Variants in FRMD6 observed in about 807,000 individuals in gnomAD.
FRMD6 encodes FERM domain containing 6.
A neutral mutation model predicts 73.2 loss-of-function variants in FRMD6; 37 were observed. The ratio of observed to expected loss-of-function variants is 0.51; its 90% CI spans 0.39 to 0.66. FRMD6 has a LOEUF of 0.66. FRMD6 is among the 30% of genes least tolerant of loss of function. The pLI, the probability that FRMD6 is intolerant of heterozygous loss-of-function variation, is 0.00. For synonymous variants in FRMD6, 273 were observed against 282.2 expected, an observed-to-expected ratio of 0.97 and a Z score of 0.33; for missense variants, 714 against 780.5, an observed-to-expected ratio of 0.91 and a Z score of 1.02.
the FRMD6 span, among the ~76,000 whole-genome samples, chr14:51,412,997 T>A: frequency 0.16 from 24,530 of 148,958 alleles, 2,208 homozygotes; most frequent in Middle Eastern, 0.25. Context: ...TAAATTTTTT[T>A]TTTTTTTTTT....
Position 51,728,161 on chromosome 14 carries a change from A to T in FRMD6, c.*132A>T. 1.2e-6 allele frequency: 1 copy of T among 830,096 alleles called. No homozygotes were observed. The highest frequency in any genetic ancestry group is 1.7e-5 in the African/African-American group (1 of 58,304). The allele number at this position is 830,096 out of a possible 1,614,324, so 51.4% of individuals were successfully genotyped here. A position where few individuals can be genotyped will look rare whatever the true frequency, so the allele number is the denominator to read the frequency against. On this transcript the variant is annotated 3_prime_UTR_variant, in exon 14 of 14. Coordinates refer to ENST00000344768, the MANE Select transcript of FRMD6 (RefSeq NM_001267046.2). Reference sequence around the variant, plus strand: ...TAGCTCTTTCTTTATAATATTTGTGATGATGGAAACAAAAGCCTTGGAACA... The same window carrying T: ...TAGCTCTTTCTTTATAATATTTGTGTTGATGGAAACAAAAGCCTTGGAACA...
chr14:51,467,438 A>G, the FRMD6 span, among the ~76,000 whole-genome samples: 1 of 152,208 alleles, frequency 6.6e-6, no homozygotes, highest in Admixed American at 6.5e-5. Flanking sequence ...TGTTTGACAA[A>G]ACTGCCATCG....
At chr14:51,665,843 G>A (rs1281354812) in intron 1 of FRMD6, among the ~76,000 whole-genome samples, 1 of 152,130 alleles carries the variant, frequency 6.6e-6, no homozygotes, top group Non-Finnish European at 1.5e-5. Context: ...TTAAAAATGG[G>A]AGTTTCCCTG....
At chr14:51,685,418 T>C (rs1295968156) in intron 1 of FRMD6, among the ~76,000 whole-genome samples, 2 of 152,224 alleles carry the variant, frequency 1.3e-5, no homozygotes, top group Non-Finnish European at 2.9e-5. Flanking sequence ...CTATATCATA[T>C]GCTTATTGTC....
At chr14:51,590,702 T>C (rs748445537) in intron 2 of FRMD6, among the ~76,000 whole-genome samples, 1 of 152,220 alleles carries the variant, frequency 6.6e-6, no homozygotes, top group African/African-American at 2.4e-5. Flanking sequence ...CAGACTCACT[T>C]TTTTAAAATC....
chr14:51,468,301 G>A, the FRMD6 span, among the ~76,000 whole-genome samples: 1 of 135,174 alleles, frequency 7.4e-6, no homozygotes, highest in East Asian at 2.4e-4. Flanking sequence ...ACAGAGATGG[G>A]AGAGGGGGAG....
Position 51,704,808 on chromosome 14 carries a change from A to G in FRMD6, c.431A>G (p.Gln144Arg). Residue 144 changes from glutamine (Q) to arginine (R), a missense_variant, in exon 6 of 14, where the codon CAG becomes CGG. Gln to Arg is a conservative substitution (Grantham distance 43, BLOSUM62 1). Transcript: ENST00000344768. ...CTGAGAAAACAAGTTCTTCATTCTC[A>G]GTGTGTGCTCCGAGAGGAGGCCTAC... Reference protein sequence around the residue: ...WHLRKQVLHSQCVLREEAYFL... With the variant: ...WHLRKQVLHSRCVLREEAYFL... The G allele has an allele frequency of 6.2e-7, 1 of 1,613,360 alleles. No individual in the cohort carries two copies.
At chr14:51,443,548 C>T in the FRMD6 span, among the ~76,000 whole-genome samples, 4,553 of 152,344 alleles carry the variant, frequency 0.03, 106 homozygotes, top group Middle Eastern at 0.051. Context: ...CCAAAGGCTG[C>T]ATCTCCACCA....
At chr14:51,605,345 G>A (rs933345085) in intron 2 of FRMD6, among the ~76,000 whole-genome samples, 3 of 151,928 alleles carry the variant, frequency 2.0e-5, no homozygotes, top group South Asian at 2.1e-4. Context: ...GACTCTTAAC[G>A]AGCATGCTGC....
At chr14:51,639,110 C>G (rs1463627545) in intron 2 of FRMD6, among the ~76,000 whole-genome samples, 2 of 151,466 alleles carry the variant, frequency 1.3e-5, no homozygotes, top group African/African-American at 4.9e-5. Context: ...CAGGACTTTT[C>G]TTTTCCTTTG....
At chr14:51,432,562 C>A in the FRMD6 span, among the ~76,000 whole-genome samples, 4 of 152,024 alleles carry the variant, frequency 2.6e-5, no homozygotes, top group African/African-American at 9.7e-5. Context: ...GTGAAGATAC[C>A]CAGGGCCCAT....
At chr14:51,626,622 G>A (rs1175296660) in intron 2 of FRMD6, among the ~76,000 whole-genome samples, 1 of 152,020 alleles carries the variant, frequency 6.6e-6, no homozygotes, top group East Asian at 1.9e-4. Context: ...TTTAACTAAG[G>A]GTGAGCATTT....
At chr14:51,604,491 T>C (rs941618596) in intron 2 of FRMD6, among the ~76,000 whole-genome samples, 2 of 152,304 alleles carry the variant, frequency 1.3e-5, no homozygotes, top group East Asian at 3.9e-4. Flanking sequence ...CTTACTAAAA[T>C]ACTATTAAAA....
chr14:51,430,258 C>T, the FRMD6 span, among the ~76,000 whole-genome samples: 1,396 of 152,286 alleles, frequency 9.2e-3, 22 homozygotes, highest in African/African-American at 0.032. Context: ...TCCACCTCAA[C>T]GTTAAAAGCC....
Position 51,704,905 on chromosome 14 carries a change from C to T in FRMD6, c.528C>T (p.Tyr176=), listed in dbSNP as rs1188611019. 2 of 1,611,202 alleles carry T rather than the reference C, an allele frequency of 1.2e-6. No homozygotes were observed. The highest frequency in any genetic ancestry group is 3.3e-5 in the Admixed American group (2 of 59,766). The change falls in exon 6 of 14, where the codon TAC becomes TAT. Residue 176 remains tyrosine, a synonymous_variant. Transcript: ENST00000344768. ...AAAGGAATAAGCACTATGGAAAATA[C>T]TTCGAGCCAGAGGCTTACTTCCCAT... ...NFKRNKHYGK[Y]FEPEAYFPSW... is the part of the protein sequence containing the mutation.
intron 1 of FRMD6, among the ~76,000 whole-genome samples, chr14:51,518,439 T>C (rs924486968): frequency 1.3e-5 from 2 of 152,192 alleles, no homozygotes; most frequent in Admixed American, 1.3e-4. Context: ...GCAAGACATT[T>C]ATATTCTCAG....
chr14:51,696,123 AAT>A (rs1181452024), intron 2 of FRMD6, among the ~76,000 whole-genome samples: 1 of 151,538 alleles, frequency 6.6e-6, no homozygotes, highest in Admixed American at 6.6e-5. Flanking sequence ...ACAATATTTT[AAT>A]ATATATATTT....
intron 1 of FRMD6, among the ~76,000 whole-genome samples, chr14:51,652,602 A>G (rs531101084): frequency 4.6e-5 from 7 of 152,346 alleles, no homozygotes; most frequent in African/African-American, 1.7e-4. Flanking sequence ...CGCGTCCCGG[A>G]AAGTGCCTAG....
At chr14:51,464,870 G>A in the FRMD6 span, among the ~76,000 whole-genome samples, 2 of 152,110 alleles carry the variant, frequency 1.3e-5, no homozygotes, top group African/African-American at 4.8e-5. Flanking sequence ...CTCTGTAGGG[G>A]AACGGACAAG....
Sources: gnomAD v4.1 joint callset for allele counts (sites outside exome capture counted in the v4.1 genomes callset) on GRCh38, gnomAD v4.1.1 for gene constraint, MANE v1.5 for transcripts, NCBI Gene and HGNC (gene_info 2026-07-23, HGNC 2026-07-21) for gene names.